The following RMST variants were observed in gnomAD, a reference collection of about 807,000 sequenced individuals.
RMST encodes the protein long intergenic non-protein coding RNA 54.
intron 5 of RMST, among the ~76,000 whole-genome samples, chr12:97,488,623 T>C (rs973537773): frequency 3.9e-5 from 6 of 152,156 alleles, no homozygotes; most frequent in African/African-American, 1.4e-4. Context: ...AAAAGGCAGT[T>C]CGGTGCATCC....
At chr12:97,552,397 T>A (rs984748653) in intron 11 of RMST, among the ~76,000 whole-genome samples, 4 of 152,194 alleles carry the variant, frequency 2.6e-5, no homozygotes, top group African/African-American at 7.2e-5. Flanking sequence ...TTTAAAGAAA[T>A]CAAGGCTTAA....
chr12:97,489,473 T>C (rs80146568), intron 5 of RMST, among the ~76,000 whole-genome samples: 3 of 151,696 alleles, frequency 2.0e-5, no homozygotes, highest in Admixed American at 6.6e-5. Flanking sequence ...AAAAAAAGGC[T>C]ACTTTTAGCT....
chr12:97,493,847 A>G (rs546901849), intron 7 of RMST: 1 of 152,324 alleles, frequency 6.6e-6, no homozygotes, highest in South Asian at 2.1e-4. Flanking sequence ...TATACATAAC[A>G]TACTGATTGT....
chr12:97,463,677 T>C (rs559588722), intron 4 of RMST, among the ~76,000 whole-genome samples: 1 of 152,318 alleles, frequency 6.6e-6, no homozygotes, highest in Non-Finnish European at 1.5e-5. Context: ...TGTACTGAGG[T>C]CAGAGAGTTT....
chr12:97,523,379 G>A (rs973031791), intron 10 of RMST, among the ~76,000 whole-genome samples: 9 of 152,152 alleles, frequency 5.9e-5, no homozygotes, highest in African/African-American at 1.9e-4. Context: ...CAAGGGGGAC[G>A]AAGTTATAGT....
intron 11 of RMST, among the ~76,000 whole-genome samples, chr12:97,542,573 A>G (rs1298571110): frequency 6.6e-6 from 1 of 151,850 alleles, no homozygotes; most frequent in African/African-American, 2.4e-5. Context: ...GAAACCTACA[A>G]CATCTGTGCA....
intron 10 of RMST, among the ~76,000 whole-genome samples, chr12:97,518,485 A>G (rs1880168239): frequency 6.6e-6 from 1 of 152,192 alleles, no homozygotes; most frequent in Admixed American, 6.5e-5. Context: ...ATAGAGATTA[A>G]CAATAATATC....
intron 10 of RMST, among the ~76,000 whole-genome samples, chr12:97,529,746 A>G (rs571534363): frequency 2.6e-4 from 39 of 152,240 alleles, no homozygotes; most frequent in African/African-American, 9.1e-4. Flanking sequence ...GAATGCTTCT[A>G]CGCATTACCT....
At chr12:97,466,944 G>A (rs923051090) in intron 5 of RMST, among the ~76,000 whole-genome samples, 1 of 152,026 alleles carries the variant, frequency 6.6e-6, no homozygotes, top group African/African-American at 2.4e-5. Context: ...AGGAGAATTA[G>A]GAGTGTCTTA....
intron 11 of RMST, among the ~76,000 whole-genome samples, chr12:97,548,849 A>G (rs747508299): frequency 6.6e-6 from 1 of 152,164 alleles, no homozygotes; most frequent in Non-Finnish European, 1.5e-5. Flanking sequence ...TATTTTGATC[A>G]CATAAAAAAA....
intron 11 of RMST, among the ~76,000 whole-genome samples, chr12:97,542,182 T>G (rs1882592729): frequency 6.6e-6 from 1 of 151,886 alleles, no homozygotes; most frequent in Non-Finnish European, 1.5e-5. Context: ...ATATGAATGT[T>G]AGCTTCCATG....
At chr12:97,471,903 T>C (rs1330068221) in intron 5 of RMST, among the ~76,000 whole-genome samples, 1 of 152,118 alleles carries the variant, frequency 6.6e-6, no homozygotes, top group Non-Finnish European at 1.5e-5. Context: ...TGAAGATAGA[T>C]CCTTTGGCTT....
chr12:97,508,628 T>C (rs7971692), intron 10 of RMST, among the ~76,000 whole-genome samples: 27,674 of 152,178 alleles, frequency 0.18, 4,912 homozygotes, highest in African/African-American at 0.45. Flanking sequence ...CATCCCCTTA[T>C]ACTGGCATCA....
At chr12:97,473,867 G>T (rs1325520689) in intron 5 of RMST, among the ~76,000 whole-genome samples, 1 of 152,090 alleles carries the variant, frequency 6.6e-6, no homozygotes, top group African/African-American at 2.4e-5. Context: ...TAAAAGCCTT[G>T]ACATTTTTGC....
chr12:97,508,816 A>T (rs1198879511), intron 10 of RMST, among the ~76,000 whole-genome samples: 1 of 152,252 alleles, frequency 6.6e-6, no homozygotes, highest in Non-Finnish European at 1.5e-5. Context: ...TAAATGTCTG[A>T]AAGTAGTAAC....
intron 5 of RMST, among the ~76,000 whole-genome samples, chr12:97,468,278 T>A (rs1873433918): frequency 6.6e-6 from 1 of 152,076 alleles, no homozygotes; most frequent in African/African-American, 2.4e-5. Context: ...TAGGACTCAC[T>A]AATAATTTAT....
chr12:97,532,145 T>C (rs1881683887), intron 11 of RMST, among the ~76,000 whole-genome samples: 1 of 152,072 alleles, frequency 6.6e-6, no homozygotes, highest in South Asian at 2.1e-4. Context: ...TAAGAAAAAC[T>C]GAAAGTGGAG....
chr12:97,541,397 A>T (rs1403987090), intron 11 of RMST: 1 of 151,780 alleles, frequency 6.6e-6, no homozygotes, highest in Non-Finnish European at 1.5e-5. Flanking sequence ...GGCAAACAAA[A>T]ATGTCTTAAG....
chr12:97,504,538 A>G (rs896432587), intron 10 of RMST, among the ~76,000 whole-genome samples: 3 of 152,080 alleles, frequency 2.0e-5, no homozygotes, highest in Admixed American at 1.3e-4. Context: ...ATATTATAAT[A>G]TTGCCTTAAA....
Sources: gnomAD v4.1 joint callset for allele counts (sites outside exome capture counted in the v4.1 genomes callset) on GRCh38, gnomAD v4.1.1 for gene constraint, MANE v1.5 for transcripts, NCBI Gene and HGNC (gene_info 2026-07-23, HGNC 2026-07-21) for gene names.